The following PRKCA variants were observed in gnomAD, a reference collection of about 807,000 sequenced individuals.
PRKCA encodes protein kinase C alpha type.
PRKCA carries 27 observed loss-of-function variants against 87.0 expected under a neutral mutation model. The ratio of observed to expected loss-of-function variants is 0.31; its 90% CI spans 0.23 to 0.43. The LOEUF (loss-of-function observed/expected upper bound fraction) is 0.43. PRKCA is among the 20% of genes least tolerant of loss of function. The probability of loss-of-function intolerance (pLI) is 1.00; values close to 1 mark genes in which losing one functional copy is unlikely to be tolerated. For missense variants in PRKCA, 518 were observed against 852.3 expected (o/e 0.61, Z 4.88); for synonymous variants, 329 against 311.1 (o/e 1.06, Z -0.61).
At chr17:66,773,851 CG>C in intron 13 of PRKCA, 135 bp from the exon 14 acceptor site, 2 of 1,405,688 alleles carry the variant, frequency 1.4e-6, no homozygotes, top group Non-Finnish European at 1.9e-6. Context: ...CTTCCCTTGG[CG>C]TAACATCAAA....
intron 2 of PRKCA, among the ~76,000 whole-genome samples, chr17:66,483,482 T>C (rs965861112): frequency 6.6e-6 from 1 of 152,004 alleles, no homozygotes; most frequent in African/African-American, 2.4e-5. Context: ...TTTTATTTTT[T>C]CGAGACAGAG....
At chr17:66,789,929 G>A (rs1188537416) in intron 16 of PRKCA, among the ~76,000 whole-genome samples, 6 of 152,030 alleles carry the variant, frequency 3.9e-5, no homozygotes, top group Non-Finnish European at 7.4e-5. Context: ...CTCCAAGGGC[G>A]TCCTGTTTCT....
intron 2 of PRKCA, among the ~76,000 whole-genome samples, chr17:66,439,555 C>T (rs989375721): frequency 6.6e-6 from 1 of 152,212 alleles, no homozygotes; most frequent in Non-Finnish European, 1.5e-5. Flanking sequence ...TGGCCTATTA[C>T]TGTCCTTTTC....
intron 3 of PRKCA, among the ~76,000 whole-genome samples, chr17:66,610,021 C>A (rs1052991444): frequency 3.3e-5 from 5 of 151,946 alleles, no homozygotes; most frequent in African/African-American, 9.7e-5. Flanking sequence ...TCAGGTCCGA[C>A]AAGATAAGGG....
intron 3 of PRKCA, among the ~76,000 whole-genome samples, chr17:66,615,713 C>A (rs570506328): frequency 6.6e-6 from 1 of 152,294 alleles, no homozygotes; most frequent in South Asian, 2.1e-4. Flanking sequence ...TTGAAACCAG[C>A]ACATCCCTGT....
rs1399462597 is a variant in PRKCA at position 66,302,785 on chromosome 17, C to T, written c.-67C>T. Reference sequence around the variant, plus strand: ...CCGAGCCCGCACCTCTCCCCCGCCGCCCCCGCCCACCCGGCCCTCCGCGGC... The same window carrying T: ...CCGAGCCCGCACCTCTCCCCCGCCGTCCCCGCCCACCCGGCCCTCCGCGGC... On this transcript the variant is annotated 5_prime_UTR_variant, in exon 1 of 17. Transcript: ENST00000413366. 1.4e-6 allele frequency: 2 copies of T among 1,382,004 alleles called. No individual in the cohort carries two copies. Among genetic ancestry groups the T allele is most frequent in the Middle Eastern group, 2.7e-4 (1 of 3,696 alleles). 85.6% of individuals were successfully genotyped at this position (1,382,004 alleles called of 1,614,324 possible). A position where few individuals can be genotyped will look rare whatever the true frequency, so the allele number is the denominator to read the frequency against.
At chr17:66,424,019 G>T (rs889171869) in intron 2 of PRKCA, among the ~76,000 whole-genome samples, 1 of 152,168 alleles carries the variant, frequency 6.6e-6, no homozygotes, top group Non-Finnish European at 1.5e-5. Context: ...TGATAATGCT[G>T]TCTTAGCAGA....
At chr17:66,418,501 TCTCAG>T (rs1224337021) in intron 2 of PRKCA, among the ~76,000 whole-genome samples, 1 of 151,486 alleles carries the variant, frequency 6.6e-6, no homozygotes, top group Non-Finnish European at 1.5e-5. Flanking sequence ...AGTGGCGCGA[TCTCAG>T]CTCACTGCAA....
intron 14 of PRKCA, among the ~76,000 whole-genome samples, chr17:66,776,555 G>C (rs944101768): frequency 5.9e-5 from 9 of 152,036 alleles, no homozygotes; most frequent in African/African-American, 1.4e-4. Context: ...TGATCCACCC[G>C]CCTCAGCCTC....
At chr17:66,391,225 C>T (rs996370520) in intron 2 of PRKCA, among the ~76,000 whole-genome samples, 4 of 152,318 alleles carry the variant, frequency 2.6e-5, no homozygotes, top group Non-Finnish European at 4.4e-5. Context: ...TGTCCCCACA[C>T]GTGGACAGAT....
chr17:66,481,238 A>AG (rs1915763010), intron 2 of PRKCA, among the ~76,000 whole-genome samples: 1 of 152,054 alleles, frequency 6.6e-6, no homozygotes, highest in Non-Finnish European at 1.5e-5. Flanking sequence ...TAAAAGCTCC[A>AG]GGGGGGCCCC....
At chr17:66,654,764 C>A (rs1971689414) in intron 5 of PRKCA, among the ~76,000 whole-genome samples, 1 of 152,206 alleles carries the variant, frequency 6.6e-6, no homozygotes, top group Non-Finnish European at 1.5e-5. Flanking sequence ...GCAGACCCTG[C>A]ATTTTCCAGG....
At chr17:66,760,567 GA>G (rs1661006753) in intron 13 of PRKCA, among the ~76,000 whole-genome samples, 1 of 152,144 alleles carries the variant, frequency 6.6e-6, no homozygotes, top group Admixed American at 6.5e-5. Flanking sequence ...CAATGAAATA[GA>G]AAATAGAAAA....
chr17:66,325,787 A>G (rs1441523028), intron 2 of PRKCA, among the ~76,000 whole-genome samples: 1 of 152,222 alleles, frequency 6.6e-6, no homozygotes, highest in Non-Finnish European at 1.5e-5. Context: ...CTTTGAGTTT[A>G]TAGGACTGCA....
intron 3 of PRKCA, among the ~76,000 whole-genome samples, chr17:66,619,494 A>G (rs556557305): frequency 2.6e-5 from 4 of 152,252 alleles, no homozygotes; most frequent in Non-Finnish European, 4.4e-5. Context: ...TGGCACTTTC[A>G]CATGGCCTAT....
intron 8 of PRKCA, 77 bp from the exon 9 acceptor site, chr17:66,732,611 G>A (rs1973930310): frequency 6.3e-7 from 1 of 1,580,046 alleles, no homozygotes. Context: ...ATTAAACTCA[G>A]TTACAACACG....
chr17:66,517,496 T>C (rs997586100), intron 3 of PRKCA, among the ~76,000 whole-genome samples: 3 of 152,168 alleles, frequency 2.0e-5, no homozygotes, highest in Non-Finnish European at 2.9e-5. Context: ...AACCTATCTT[T>C]CATCTCCCCG....
intron 13 of PRKCA, among the ~76,000 whole-genome samples, chr17:66,746,154 C>CT (rs56319847): frequency 0.012 from 761 of 64,238 alleles, 148 homozygotes; most frequent in Middle Eastern, 0.026. Flanking sequence ...TGTTGCCTTG[C>CT]TTTTTTTTTT....
At chr17:66,778,162 T>C in intron 14 of PRKCA, 1 of 985,328 alleles carries the variant, frequency 1.0e-6, no homozygotes, top group Non-Finnish European at 1.2e-6. Flanking sequence ...CCACACTGCT[T>C]CTCAGAGCCA....
Sources: gnomAD v4.1 joint callset for allele counts (sites outside exome capture counted in the v4.1 genomes callset) on GRCh38, gnomAD v4.1.1 for gene constraint, MANE v1.5 for transcripts, NCBI Gene and HGNC (gene_info 2026-07-23, HGNC 2026-07-21) for gene names.